GRIA4: variants seen among roughly 807,000 people sequenced by gnomAD.
The protein encoded by GRIA4 is glutamate receptor 4.
GRIA4 carries 34 observed loss-of-function variants against 104.0 expected under a neutral mutation model. That is an observed-to-expected ratio of 0.33 (90% CI 0.25 to 0.44). The LOEUF is 0.44. Among genes scored for constraint, GRIA4 ranks in the 20% least tolerant of loss-of-function variants. The pLI, the probability that GRIA4 is intolerant of heterozygous loss-of-function variation, is 1.00. For synonymous variants in GRIA4, 386 were observed against 381.9 expected (o/e 1.01, Z -0.13); for missense variants, 750 against 1,096.5 (o/e 0.68, Z 4.46).
At chr11:105,708,031 ATGAT>A (rs1953770713) in intron 3 of GRIA4, 1 of 152,192 alleles carries the variant, frequency 6.6e-6, no homozygotes, top group African/African-American at 2.4e-5. Flanking sequence ...ATTGAAGAAA[ATGAT>A]TGAAGAAATG....
intron 4 of GRIA4, among the ~76,000 whole-genome samples, chr11:105,821,640 C>T (rs1258887744): frequency 1.3e-5 from 2 of 152,012 alleles, no homozygotes; most frequent in Non-Finnish European, 2.9e-5. Context: ...GATCCACCCC[C>T]ATGACTCAAA....
At chr11:105,692,027 TTAAG>T (rs1422352216) in intron 3 of GRIA4, among the ~76,000 whole-genome samples, 3 of 150,190 alleles carry the variant, frequency 2.0e-5, no homozygotes, top group Non-Finnish European at 4.4e-5. Flanking sequence ...TCAACACAAA[TTAAG>T]TAATAAGTGA....
intron 4 of GRIA4, among the ~76,000 whole-genome samples, chr11:105,770,172 G>A (rs1941146232): frequency 6.6e-6 from 1 of 152,036 alleles, no homozygotes; most frequent in Non-Finnish European, 1.5e-5. Flanking sequence ...GTGATGCAAG[G>A]AGAGTTTCAC....
intron 4 of GRIA4, among the ~76,000 whole-genome samples, chr11:105,766,171 G>A (rs1367322849): frequency 6.6e-6 from 1 of 152,088 alleles, no homozygotes; most frequent in South Asian, 2.1e-4. Context: ...TCAATTACTG[G>A]ATAAATAGAA....
intron 3 of GRIA4, among the ~76,000 whole-genome samples, chr11:105,691,808 G>A (rs560116640): frequency 1.9e-4 from 29 of 151,656 alleles, no homozygotes; most frequent in Admixed American, 6.6e-4. Context: ...GGTGGCAGGC[G>A]CCTGTAATTC....
intron 3 of GRIA4, among the ~76,000 whole-genome samples, chr11:105,678,909 T>C (rs1049230173): frequency 6.6e-6 from 1 of 152,042 alleles, no homozygotes; most frequent in Non-Finnish European, 1.5e-5. Context: ...TAGTTAATTT[T>C]CCCCCTGGAA....
At chr11:105,921,967 A>G (rs552069349) in intron 11 of GRIA4, among the ~76,000 whole-genome samples, 25 of 152,130 alleles carry the variant, frequency 1.6e-4, no homozygotes, top group Non-Finnish European at 1.8e-4. Context: ...AAACACACAC[A>G]AAAATAATTT....
At chr11:105,948,214 T>C (rs998196349) in intron 14 of GRIA4, among the ~76,000 whole-genome samples, 8 of 152,216 alleles carry the variant, frequency 5.3e-5, no homozygotes, top group African/African-American at 1.2e-4. Flanking sequence ...CCAAAAGCTC[T>C]GGTAGGTTAA....
chr11:105,719,991 T>C (rs1937679974), intron 3 of GRIA4, among the ~76,000 whole-genome samples: 1 of 151,960 alleles, frequency 6.6e-6, no homozygotes, highest in African/African-American at 2.4e-5. Context: ...GTACTAATTA[T>C]TGTATTTTAA....
chr11:105,685,657 A>G lies in GRIA4; in HGVS notation c.248-67324A>G, dbSNP rs561247357. On this transcript the variant is annotated intron_variant, in intron 3 of 16. Coordinates refer to ENST00000282499, the MANE Select transcript of GRIA4 (RefSeq NM_000829.4). ...TATGATCAGAAAAGTTTCAAGGTGAATTAGTTTGGATACAGAATGGAAGTA... is the reference window on the plus strand; with the variant it reads ...TATGATCAGAAAAGTTTCAAGGTGAGTTAGTTTGGATACAGAATGGAAGTA... 1.7e-4 allele frequency among the ~76,000 whole-genome samples: 26 copies of G among 152,324 alleles called. No individual in the cohort carries two copies. In the South Asian group the frequency reaches 5.0e-3, roughly 29 times the overall value.
At chr11:105,666,814 T>C (rs1172852830) in intron 3 of GRIA4, among the ~76,000 whole-genome samples, 1 of 152,014 alleles carries the variant, frequency 6.6e-6, no homozygotes, top group African/African-American at 2.4e-5. Flanking sequence ...TGTTTGCTTT[T>C]GCTTCTGAGC....
intron 14 of GRIA4, among the ~76,000 whole-genome samples, chr11:105,957,054 T>C (rs1175919612): frequency 6.6e-6 from 1 of 152,218 alleles, no homozygotes. Flanking sequence ...TCCCATTCTG[T>C]AGGTTGCCTG....
intron 3 of GRIA4, among the ~76,000 whole-genome samples, chr11:105,699,129 T>G (rs1335824659): frequency 6.6e-6 from 1 of 152,236 alleles, no homozygotes; most frequent in East Asian, 1.9e-4. Flanking sequence ...ATGAATATCA[T>G]GTAAATGCTG....
intron 7 of GRIA4, among the ~76,000 whole-genome samples, chr11:105,901,561 A>G (rs671215): frequency 2.6e-5 from 4 of 152,222 alleles, no homozygotes; most frequent in Non-Finnish European, 4.4e-5. Flanking sequence ...ATTATAGCAC[A>G]ATAAGACACA....
chr11:105,815,129 C>T (rs909176059), intron 4 of GRIA4, among the ~76,000 whole-genome samples: 47 of 152,266 alleles, frequency 3.1e-4, no homozygotes, highest in African/African-American at 1.1e-3. Context: ...AGAGTCCTGA[C>T]AACAGTATTT....
intron 3 of GRIA4, among the ~76,000 whole-genome samples, chr11:105,701,383 T>A (rs995821481): frequency 9.9e-5 from 15 of 152,200 alleles, no homozygotes; most frequent in Non-Finnish European, 2.2e-4. Flanking sequence ...ATAGGATATG[T>A]CTTCATATTA....
At chr11:105,668,574 G>A (rs1276825792) in intron 3 of GRIA4, among the ~76,000 whole-genome samples, 3 of 150,888 alleles carry the variant, frequency 2.0e-5, no homozygotes, top group Non-Finnish European at 1.5e-5. Context: ...GAATTGCTGT[G>A]CCATTTTTCA....
chr11:105,976,041 G>A (rs371117980), intron 16 of GRIA4, among the ~76,000 whole-genome samples: 12 of 152,188 alleles, frequency 7.9e-5, no homozygotes, highest in African/African-American at 2.9e-4. Flanking sequence ...TTAGCCATTA[G>A]AGGAATGCTT....
chr11:105,828,447 T>A (rs1332916084), intron 4 of GRIA4, among the ~76,000 whole-genome samples: 2 of 151,990 alleles, frequency 1.3e-5, no homozygotes, highest in African/African-American at 2.4e-5. Flanking sequence ...TAATTTCATA[T>A]GTTGGAAATG....
Sources: allele counts gnomAD v4.1 joint callset (sites outside exome capture counted in the v4.1 genomes callset), GRCh38; gene constraint gnomAD v4.1.1; transcripts MANE v1.5; gene names NCBI Gene and HGNC (gene_info 2026-07-23, HGNC 2026-07-21).